PUM1: variants seen among roughly 807,000 people sequenced by gnomAD.
The protein encoded by PUM1 is pumilio homolog 1.
PUM1 carries 13 observed loss-of-function variants against 131.8 expected under a neutral mutation model. The ratio of observed to expected loss-of-function variants is 0.10; its 90% CI spans 0.06 to 0.16. The LOEUF is 0.16. PUM1 is among the 10% of genes least tolerant of loss of function. PUM1 has a pLI of 1.00. For missense variants in PUM1, 961 were observed against 1,512.4 expected (o/e 0.64, Z 6.05); for synonymous variants, 509 against 556.5 (o/e 0.91, Z 1.20).
intron 9 of PUM1, among the ~76,000 whole-genome samples, chr1:30,979,588 G>A (rs1481162584): frequency 6.6e-6 from 1 of 151,850 alleles, no homozygotes; most frequent in Non-Finnish European, 1.5e-5. Context: ...TGACATACTA[G>A]GGTAGAAAAA....
Position 30,980,166 on chromosome 1 carries a change from G to A in PUM1, c.1253-3C>T. The A allele has an allele frequency of 6.2e-7, 1 of 1,612,876 alleles. No individual in the cohort carries two copies. Among genetic ancestry groups the A allele is most frequent in the South Asian group, 1.1e-5 (1 of 90,982 alleles). On this transcript the variant is annotated splice_polypyrimidine_tract_variant and splice_region_variant and intron_variant, in intron 8 of 21. Coordinates refer to ENST00000426105, the MANE Select transcript of PUM1 (RefSeq NM_001020658.2). Reference sequence around the variant, plus strand: ...GACAAACGCAGCGGGAGCTAAACCTGCTGAAAACATACCTGTCAGTAAAAA... The same window carrying A: ...GACAAACGCAGCGGGAGCTAAACCTACTGAAAACATACCTGTCAGTAAAAA...
intron 5 of PUM1, among the ~76,000 whole-genome samples, chr1:30,998,133 G>A (rs1642051842): frequency 1.3e-5 from 2 of 152,146 alleles, no homozygotes; most frequent in South Asian, 4.1e-4. Context: ...TTATATGGGT[G>A]TTTTGATTTT....
chr1:30,956,444 A>G (rs1222194650), intron 14 of PUM1, among the ~76,000 whole-genome samples: 1 of 152,004 alleles, frequency 6.6e-6, no homozygotes, highest in Non-Finnish European at 1.5e-5. Context: ...TTGTACTTTT[A>G]GTAGAGATGG....
chr1:31,022,445 A>G (rs1427337415), intron 3 of PUM1, among the ~76,000 whole-genome samples: 1 of 152,258 alleles, frequency 6.6e-6, no homozygotes, highest in Non-Finnish European at 1.5e-5. Flanking sequence ...TAACATCTAC[A>G]TACAGTAGTA....
chr1:30,989,037 C>A (rs1408212842), intron 7 of PUM1, among the ~76,000 whole-genome samples: 3 of 152,042 alleles, frequency 2.0e-5, no homozygotes, highest in East Asian at 1.9e-4. Flanking sequence ...ACAAAAAAAA[C>A]AAACTATAAT....
At chr1:31,006,130 C>A (rs1642394362) in intron 4 of PUM1, 99 bp from the exon 5 acceptor site, 10 of 1,140,532 alleles carry the variant, frequency 8.8e-6, no homozygotes, top group Non-Finnish European at 1.2e-5. Context: ...GGAAACTTGC[C>A]ATGGTCAGTT....
chr1:31,045,161 CG>C (rs1273309859), intron 2 of PUM1, among the ~76,000 whole-genome samples: 2 of 146,958 alleles, frequency 1.4e-5, no homozygotes, highest in Non-Finnish European at 3.0e-5. Flanking sequence ...TTTTTTGAGA[CG>C]AAGTCATCAC....
chr1:31,033,621 C>T (rs1643512501), intron 2 of PUM1, among the ~76,000 whole-genome samples: 1 of 152,028 alleles, frequency 6.6e-6, no homozygotes, highest in Non-Finnish European at 1.5e-5. Context: ...CCAGCATGGC[C>T]TCCTAAAGTG....
chr1:30,942,203 A>T (rs1484536406), intron 18 of PUM1, 80 bp from the exon 19 acceptor site: 6 of 48,778 alleles, frequency 1.2e-4, no homozygotes, highest in South Asian at 6.7e-4. Context: ...ATATATATAT[A>T]TATATATATA....
At chr1:30,968,032 GACTAAGCCTTGTAA>G in intron 11 of PUM1, 1 of 375,614 alleles carries the variant, frequency 2.7e-6, no homozygotes, top group South Asian at 2.3e-5. Context: ...TCAACATAAA[GACTAAGCCTTGTAA>G]ACTAGCTTGG....
At chr1:30,954,029 C>A in intron 14 of PUM1, 48 bp from the exon 15 acceptor site, 1 of 1,567,588 alleles carries the variant, frequency 6.4e-7, no homozygotes, top group African/African-American at 1.4e-5. Context: ...TCAGCAACTT[C>A]ATTCAAGAGA....
chr1:30,943,258 AAAG>A (rs1639533885), intron 18 of PUM1, among the ~76,000 whole-genome samples: 1 of 151,998 alleles, frequency 6.6e-6, no homozygotes, highest in Admixed American at 6.6e-5. Flanking sequence ...TGGTATATAC[AAAG>A]AATTTTTTTT....
chr1:31,033,484 C>T (rs981889917), intron 2 of PUM1, among the ~76,000 whole-genome samples: 1 of 149,902 alleles, frequency 6.7e-6, no homozygotes, highest in South Asian at 2.1e-4. Context: ...GCTCTGCTTC[C>T]CGGGTTCACG....
At chr1:30,946,736 CAG>C (rs1470375647) in intron 17 of PUM1, among the ~76,000 whole-genome samples, 1 of 150,234 alleles carries the variant, frequency 6.7e-6, no homozygotes, top group Non-Finnish European at 1.5e-5. Context: ...AATCATAAGT[CAG>C]GGGCTATTTG....
At chr1:30,957,253 A>G (rs986523710) in intron 14 of PUM1, among the ~76,000 whole-genome samples, 3 of 152,220 alleles carry the variant, frequency 2.0e-5, no homozygotes, top group African/African-American at 7.2e-5. Flanking sequence ...TTCTTTCAAC[A>G]TTAAGCCAAA....
chr1:30,953,666 A>G (rs1415390124), intron 15 of PUM1, 48 bp downstream of exon 15: 1 of 1,603,314 alleles, frequency 6.2e-7, no homozygotes, highest in Admixed American at 1.7e-5. Flanking sequence ...AAGACAGTTA[A>G]GGCATTACAA....
At chr1:30,959,688 A>T (rs773470974) in intron 14 of PUM1, among the ~76,000 whole-genome samples, 1 of 152,124 alleles carries the variant, frequency 6.6e-6, no homozygotes, top group Non-Finnish European at 1.5e-5. Flanking sequence ...CAGGCAGATC[A>T]TGAGGTCAGG....
chr1:30,946,421 A>T (rs1236671114), intron 17 of PUM1, among the ~76,000 whole-genome samples: 1 of 151,332 alleles, frequency 6.6e-6, no homozygotes, highest in African/African-American at 2.4e-5. Flanking sequence ...GGCAGATCAC[A>T]AGGTCAGGAG....
chr1:30,939,347 TG>T (rs1639351553), intron 20 of PUM1, among the ~76,000 whole-genome samples: 1 of 152,206 alleles, frequency 6.6e-6, no homozygotes, highest in African/African-American at 2.4e-5. Flanking sequence ...GCTGGAAATG[TG>T]GTTCAGGGGT....
Sources: gnomAD v4.1 joint callset for allele counts (sites outside exome capture counted in the v4.1 genomes callset) on GRCh38, gnomAD v4.1.1 for gene constraint, MANE v1.5 for transcripts, NCBI Gene and HGNC (gene_info 2026-07-23, HGNC 2026-07-21) for gene names.